The following OLFM3 variants were observed in gnomAD, a reference collection of about 807,000 sequenced individuals.
OLFM3 encodes the protein olfactomedin 3.
Under a neutral mutation model 48.6 loss-of-function variants are expected in OLFM3, and 20 were observed. The ratio of observed to expected loss-of-function variants is 0.41; its 90% CI spans 0.29 to 0.60. The LOEUF is 0.60. Ranked by LOEUF, OLFM3 falls within the 20% of genes least tolerant of loss-of-function variation. The probability of loss-of-function intolerance (pLI) is 0.28; values close to 1 mark genes in which losing one functional copy is unlikely to be tolerated. For synonymous variants in OLFM3, 222 were observed against 198.1 expected, an observed-to-expected ratio of 1.12 and a Z score of -1.01; for missense variants, 437 against 544.3, an observed-to-expected ratio of 0.80 and a Z score of 1.96.
At chr1:101,829,870 T>A (rs1469763172) in intron 3 of OLFM3, among the ~76,000 whole-genome samples, 2 of 152,094 alleles carry the variant, frequency 1.3e-5, no homozygotes, top group African/African-American at 2.4e-5. Context: ...AGTCTCTCTC[T>A]GTTGCCCAGG....
At chr1:101,914,400 C>T (rs1339205807) in intron 1 of OLFM3, among the ~76,000 whole-genome samples, 5 of 152,158 alleles carry the variant, frequency 3.3e-5, no homozygotes, top group Non-Finnish European at 7.4e-5. Flanking sequence ...ATGTTTTCTA[C>T]AACTTGCTAA....
intron 1 of OLFM3, among the ~76,000 whole-genome samples, chr1:101,886,727 CAATT>C (rs1298432945): frequency 3.3e-5 from 5 of 152,042 alleles, no homozygotes; most frequent in African/African-American, 1.2e-4. Context: ...GTGAGACAGA[CAATT>C]AAAACATCAC....
intron 1 of OLFM3, among the ~76,000 whole-genome samples, chr1:101,910,936 T>G (rs1658740908): frequency 6.6e-6 from 1 of 152,232 alleles, no homozygotes; most frequent in African/African-American, 2.4e-5. Context: ...ACTGCATTTT[T>G]TTTTAGTCAC....
At chr1:101,958,245 T>G (rs1660357709) in intron 1 of OLFM3, among the ~76,000 whole-genome samples, 2 of 152,110 alleles carry the variant, frequency 1.3e-5, no homozygotes, top group Admixed American at 1.3e-4. Context: ...TTGAAAGTTT[T>G]TATTAAATTT....
chr1:101,896,226 A>C (rs1432308340), intron 1 of OLFM3, among the ~76,000 whole-genome samples: 2 of 151,986 alleles, frequency 1.3e-5, no homozygotes, highest in African/African-American at 4.8e-5. Flanking sequence ...GTTGTGTTTA[A>C]TAATATGAAG....
At chr1:101,947,476 T>A (rs1183119680) in intron 1 of OLFM3, among the ~76,000 whole-genome samples, 1 of 152,142 alleles carries the variant, frequency 6.6e-6, no homozygotes, top group Non-Finnish European at 1.5e-5. Flanking sequence ...GAAATAAAAT[T>A]GTTTCTAGTT....
intron 1 of OLFM3, among the ~76,000 whole-genome samples, chr1:101,921,636 C>T (rs1659098154): frequency 6.6e-6 from 1 of 152,078 alleles, no homozygotes; most frequent in Non-Finnish European, 1.5e-5. Context: ...AAATCTTTTA[C>T]CTAAGAAATT....
Position 101,806,266 on chromosome 1 carries a change from G to T in OLFM3, c.593-84C>A, listed in dbSNP as rs952767383. ...TACTCACACTAAGAGCAAAGAAGGG[G>T]ATCATAAAACTAAGCCAATCCATGG... On this transcript the variant is annotated intron_variant, in intron 4 of 5. Transcript: ENST00000370103. The T allele has an allele frequency of 3.9e-6, 4 of 1,021,556 alleles. No homozygotes were observed. In the African/African-American group the frequency reaches 4.8e-5, roughly 12 times the overall value. 63.3% of individuals were successfully genotyped at this position (1,021,556 alleles called of 1,614,324 possible). A position where few individuals can be genotyped will look rare whatever the true frequency, so the allele number is the denominator to read the frequency against.
intron 2 of OLFM3, 128 bp downstream of exon 2, chr1:101,836,751 A>G (rs1655433133): frequency 1.1e-6 from 1 of 919,088 alleles, no homozygotes; most frequent in Middle Eastern, 2.3e-4. Context: ...ATCAGAAAAA[A>G]AAGCTTATCT....
chr1:101,978,190 A>G (rs945029004), intron 1 of OLFM3, among the ~76,000 whole-genome samples: 4 of 152,256 alleles, frequency 2.6e-5, no homozygotes, highest in East Asian at 3.9e-4. Flanking sequence ...TATTATGGAG[A>G]AATGTGTGAT....
intron 4 of OLFM3, among the ~76,000 whole-genome samples, chr1:101,819,479 T>C (rs929994671): frequency 1.3e-5 from 2 of 152,064 alleles, no homozygotes; most frequent in Non-Finnish European, 2.9e-5. Flanking sequence ...GCCATTTGAG[T>C]AATTCAGTTG....
intron 4 of OLFM3, among the ~76,000 whole-genome samples, chr1:101,816,123 T>C (rs764196579): frequency 5.9e-5 from 9 of 152,184 alleles, no homozygotes; most frequent in African/African-American, 1.9e-4. Context: ...GAAATAACCA[T>C]AAAATTTGGC....
chr1:101,980,079 G>C lies in OLFM3; in HGVS notation c.69+16669C>G, dbSNP rs116904576. 4.8e-4 allele frequency among the ~76,000 whole-genome samples: 73 copies of C among 152,254 alleles called. No individual in the cohort carries two copies. In the East Asian group the frequency reaches 0.014, roughly 28 times the overall value. ...TGTTTGGGCCAATTTTTCCCATTTG[G>C]AATGGGAGAATTTATCCAATGCCTG... On this transcript the variant is annotated intron_variant, in intron 1 of 5. Transcript: ENST00000370103.
At chr1:101,994,966 A>G (rs1661518595) in intron 1 of OLFM3, among the ~76,000 whole-genome samples, 1 of 152,080 alleles carries the variant, frequency 6.6e-6, no homozygotes, top group African/African-American at 2.4e-5. Flanking sequence ...AAAAGATTAT[A>G]TTGACCAAAG....
chr1:101,901,170 A>G (rs191945533), intron 1 of OLFM3, among the ~76,000 whole-genome samples: 88 of 152,178 alleles, frequency 5.8e-4, no homozygotes, highest in Non-Finnish European at 7.4e-5. Context: ...TGGTTTTCTA[A>G]GAAGTTTACA....
intron 1 of OLFM3, among the ~76,000 whole-genome samples, chr1:101,866,242 A>G (rs1302086755): frequency 6.6e-6 from 1 of 152,186 alleles, no homozygotes; most frequent in Admixed American, 6.5e-5. Context: ...TTGGAATTAG[A>G]AGATCACTAC....
intron 1 of OLFM3, among the ~76,000 whole-genome samples, chr1:101,865,780 A>G (rs573650202): frequency 3.1e-4 from 47 of 152,352 alleles, no homozygotes; most frequent in Admixed American, 8.5e-4. Flanking sequence ...TGGCAAATTC[A>G]AGGACTACGA....
At chr1:101,893,251 A>G (rs910112333) in intron 1 of OLFM3, 28 of 236,612 alleles carry the variant, frequency 1.2e-4, no homozygotes, top group East Asian at 2.6e-4. Context: ...AGAGGTGGGG[A>G]AAAAAAAAAG....
At chr1:101,892,828 T>C (rs565506714) in intron 1 of OLFM3, among the ~76,000 whole-genome samples, 1 of 152,244 alleles carries the variant, frequency 6.6e-6, no homozygotes, top group East Asian at 1.9e-4. Context: ...AAAGAGAATG[T>C]GTTTATAAAC....
Sources: gnomAD v4.1 joint callset for allele counts (sites outside exome capture counted in the v4.1 genomes callset) on GRCh38, gnomAD v4.1.1 for gene constraint, MANE v1.5 for transcripts, NCBI Gene and HGNC (gene_info 2026-07-23, HGNC 2026-07-21) for gene names.